Variants in PHTF2 observed in about 807,000 individuals in gnomAD.
The protein encoded by PHTF2 is protein PHTF2.
Under a neutral mutation model 101.2 loss-of-function variants are expected in PHTF2, and 60 were observed. The ratio of observed to expected loss-of-function variants is 0.59; its 90% CI spans 0.48 to 0.73. The LOEUF (loss-of-function observed/expected upper bound fraction) is 0.73, where lower values mean the gene tolerates loss of function less well. Among genes scored for constraint, PHTF2 ranks in the 30% least tolerant of loss-of-function variants. The pLI is 0.00. For synonymous variants in PHTF2, 311 were observed against 307.3 expected (o/e 1.01, Z -0.13); for missense variants, 747 against 908.7 (o/e 0.82, Z 2.29).
At chr7:77,829,461 CGTGTG>C (rs1794920668) in intron 1 of PHTF2, among the ~76,000 whole-genome samples, 1 of 151,924 alleles carries the variant, frequency 6.6e-6, no homozygotes, top group South Asian at 2.1e-4. Context: ...GACCATAAAA[CGTGTG>C]GTGTTTATTC....
intron 9 of PHTF2, among the ~76,000 whole-genome samples, chr7:77,915,834 G>A (rs1802863325): frequency 6.6e-6 from 1 of 152,120 alleles, no homozygotes; most frequent in South Asian, 2.1e-4. Context: ...TATGTCTCCT[G>A]TTTTCAAGAA....
chr7:77,953,970 A>G, intron 19 of PHTF2, 76 bp downstream of exon 18: 1 of 1,204,052 alleles, frequency 8.3e-7, no homozygotes, highest in Non-Finnish European at 1.2e-6. Context: ...CCTCACATGC[A>G]CAGTAATGCG....
Position 77,892,931 on chromosome 7 carries a change from G to A in PHTF2, c.148-677G>A, listed in dbSNP as rs138048893. Among the ~76,000 whole-genome samples, 853 of 152,172 alleles carry A rather than the reference G, an allele frequency of 5.6e-3. 8 individuals carry two copies. Among genetic ancestry groups the A allele is most frequent in the African/African-American group, 0.019 (808 of 41,496 alleles). On this transcript the variant is annotated intron_variant, in intron 3 of 19. Transcript: ENST00000416283. ...ATGTTTATAAATTTTTAATTGTATA[G>A]CATATTAGTACTTGTCTTCTTTAAA...
chr7:77,857,925 G>A (rs1479308153), intron 3 of PHTF2, among the ~76,000 whole-genome samples: 1 of 151,980 alleles, frequency 6.6e-6, no homozygotes, highest in Admixed American at 6.6e-5. Flanking sequence ...TTATTTCATG[G>A]ATTAAAAAAA....
At chr7:77,808,899 TA>T in intron 1 of PHTF2, among the ~76,000 whole-genome samples, 1 of 152,324 alleles carries the variant, frequency 6.6e-6, no homozygotes, top group Non-Finnish European at 1.5e-5. Context: ...CTTTTTTTTC[TA>T]ACTTTTTAGT....
intron 1 of PHTF2, among the ~76,000 whole-genome samples, chr7:77,826,240 A>G (rs535849221): frequency 1.3e-5 from 2 of 152,352 alleles, no homozygotes; most frequent in South Asian, 4.1e-4. Context: ...AGATGGCTGA[A>G]TTTTAATTTC....
intron 7 of PHTF2, among the ~76,000 whole-genome samples, chr7:77,906,934 T>TAAAAAAA (rs10694050): frequency 1.7e-5 from 2 of 118,892 alleles, no homozygotes; most frequent in African/African-American, 3.2e-5. Context: ...TAATGGTAGC[T>TAAAAAAA]AAAAAAAAAA....
chr7:77,900,647 G>T, intron 5 of PHTF2, 64 bp from the exon 5 acceptor site: 1 of 823,448 alleles, frequency 1.2e-6, no homozygotes, highest in South Asian at 1.4e-5. Context: ...TTTAGAAATT[G>T]ATTTTCTCCT....
At chr7:77,848,141 G>A (rs1796456907) in intron 2 of PHTF2, among the ~76,000 whole-genome samples, 1 of 152,118 alleles carries the variant, frequency 6.6e-6, no homozygotes, top group Admixed American at 6.5e-5. Context: ...CCAAATCTTG[G>A]TTATCATGAA....
rs150078020 is a variant in PHTF2, at chr7:77,805,950, G to A, written c.-36+6979G>A. ...AGCACTTTGGGAGGCCGAGGCAGGC[G>A]GGTCATTTGAGATCAGGAGTTCGAG... On this transcript the variant is annotated intron_variant, in intron 1 of 19. Coordinates refer to ENST00000416283, the Ensembl canonical transcript of PHTF2. 6.8e-4 allele frequency among the ~76,000 whole-genome samples: 103 copies of A among 152,280 alleles called. 1 individual carries two copies. Among genetic ancestry groups the A allele is most frequent in the Non-Finnish European group, 1.3e-3 (89 of 68,030 alleles).
intron 8 of PHTF2, chr7:77,909,160 T>G (rs939740488): frequency 1.5e-4 from 65 of 429,988 alleles, no homozygotes; most frequent in Non-Finnish European, 5.3e-5. Flanking sequence ...CATGCCTGTG[T>G]TTTTGTTTCT....
intron 3 of PHTF2, among the ~76,000 whole-genome samples, chr7:77,871,017 C>G (rs1343327811): frequency 6.6e-6 from 1 of 152,180 alleles, no homozygotes; most frequent in Non-Finnish European, 1.5e-5. Flanking sequence ...CAGTTACAGT[C>G]CTTGTTTCTG....
chr7:77,935,511 C>T (rs1310726749), intron 12 of PHTF2, among the ~76,000 whole-genome samples: 2 of 152,180 alleles, frequency 1.3e-5, no homozygotes, highest in African/African-American at 4.8e-5. Context: ...AGGCGTGAGC[C>T]ACCGCGCCCG....
chr7:77,923,903 A>G (rs1293734056), intron 11 of PHTF2: 38 of 965,880 alleles, frequency 3.9e-5, no homozygotes, highest in Non-Finnish European at 4.6e-5. Flanking sequence ...TATTCTACCT[A>G]TTAACTTTTA....
At position 77,954,846 on chromosome 7, in the gene PHTF2, T is replaced by G. The variant is rs1806898376; in HGVS notation, c.2338-12T>G. The G allele has an allele frequency of 6.8e-7, 1 of 1,476,618 alleles. No homozygotes were observed. The highest frequency in any genetic ancestry group is 2.3e-5 in the East Asian group (1 of 43,514). 91.5% of individuals were successfully genotyped at this position (1,476,618 alleles called of 1,614,324 possible). On this transcript the variant is annotated splice_polypyrimidine_tract_variant and intron_variant, in intron 19 of 19. Coordinates refer to ENST00000416283, the Ensembl canonical transcript of PHTF2. ...AACTGGCTTGTCACCACTTCTATTT[T>G]TTTTTTTCTAGCTATGGAAGATTAA... is the stretch of plus-strand genomic sequence containing the variant.
intron 3 of PHTF2, among the ~76,000 whole-genome samples, chr7:77,886,657 C>G (rs565807065): frequency 6.2e-4 from 95 of 152,210 alleles, no homozygotes; most frequent in Non-Finnish European, 9.9e-4. Context: ...TCTAAGATAG[C>G]TAGTTCAAAT....
At chr7:77,851,658 A>G (rs1010563201) in intron 2 of PHTF2, among the ~76,000 whole-genome samples, 5 of 144,530 alleles carry the variant, frequency 3.5e-5, no homozygotes, top group African/African-American at 1.3e-4. Flanking sequence ...GTCTTGAACT[A>G]CTGAGCTCAA....
At chr7:77,921,783 C>A (rs1803488042) in intron 10 of PHTF2, among the ~76,000 whole-genome samples, 2 of 152,084 alleles carry the variant, frequency 1.3e-5, no homozygotes, top group South Asian at 4.1e-4. Flanking sequence ...GCTCTAGAGT[C>A]ATTTAATTTC....
chr7:77,828,279 C>T (rs75431177), intron 1 of PHTF2, among the ~76,000 whole-genome samples: 2 of 152,190 alleles, frequency 1.3e-5, no homozygotes, highest in East Asian at 3.9e-4. Context: ...AACAAAAAGC[C>T]AATACATTAT....
Sources: allele counts gnomAD v4.1 joint callset (sites outside exome capture counted in the v4.1 genomes callset), GRCh38; gene constraint gnomAD v4.1.1; transcripts MANE v1.5; gene names NCBI Gene and HGNC (gene_info 2026-07-23, HGNC 2026-07-21).